SLC24A2: variants seen among roughly 807,000 people sequenced by gnomAD.
SLC24A2 encodes the protein solute carrier family 24 member 2.
A neutral mutation model predicts 62.0 loss-of-function variants in SLC24A2; 36 were observed. The observed-to-expected ratio is 0.58, with a 90% CI of 0.44 to 0.77. SLC24A2 has a LOEUF of 0.77. Ranked by LOEUF, SLC24A2 falls within the 30% of genes least tolerant of loss-of-function variation. The pLI is 0.00. For missense variants in SLC24A2, 846 were observed against 817.9 expected (o/e 1.03, Z -0.42); for synonymous variants, 358 against 294.0 (o/e 1.22, Z -2.23).
At chr9:19,960,231 T>A in the SLC24A2 span, among the ~76,000 whole-genome samples, 6 of 152,130 alleles carry the variant, frequency 3.9e-5, no homozygotes, top group African/African-American at 1.2e-4. Context: ...TGTACATAAC[T>A]GAAATAAAAC....
chr9:20,067,710 A>T, the SLC24A2 span, among the ~76,000 whole-genome samples: 171 of 152,310 alleles, frequency 1.1e-3, no homozygotes, highest in African/African-American at 3.9e-3. Flanking sequence ...TGCAAAGGAC[A>T]TCATTACATT....
intron 7 of SLC24A2, among the ~76,000 whole-genome samples, chr9:19,560,897 G>GTGTATA (rs1287721646): frequency 1.6e-5 from 2 of 128,570 alleles, no homozygotes; most frequent in Admixed American, 7.9e-5. Context: ...GTGTGTGTGT[G>GTGTATA]TATATATATA....
At chr9:19,984,436 T>A in the SLC24A2 span, among the ~76,000 whole-genome samples, 1 of 152,174 alleles carries the variant, frequency 6.6e-6, no homozygotes, top group Non-Finnish European at 1.5e-5. Context: ...CCAGGCACGG[T>A]GGCTCACACC....
At chr9:19,977,578 A>G in the SLC24A2 span, among the ~76,000 whole-genome samples, 1 of 152,142 alleles carries the variant, frequency 6.6e-6, no homozygotes, top group Non-Finnish European at 1.5e-5. Context: ...TGAAATATTA[A>G]CTTGGGCGTG....
intron 5 of SLC24A2, among the ~76,000 whole-genome samples, chr9:19,594,339 G>C (rs1212860433): frequency 6.6e-6 from 1 of 152,112 alleles, no homozygotes; most frequent in Non-Finnish European, 1.5e-5. Context: ...GTACACAATA[G>C]GTGCTTAAAA....
chr9:20,003,448 A>G, the SLC24A2 span, among the ~76,000 whole-genome samples: 1 of 152,218 alleles, frequency 6.6e-6, no homozygotes, highest in African/African-American at 2.4e-5. Flanking sequence ...ATGTTCCTAC[A>G]TTTTGGTACA....
the SLC24A2 span, among the ~76,000 whole-genome samples, chr9:20,192,297 G>C: frequency 6.6e-6 from 1 of 152,114 alleles, no homozygotes; most frequent in Non-Finnish European, 1.5e-5. Flanking sequence ...ACAAAGGCTG[G>C]GGCTGGGGAG....
chr9:19,555,364 G>A (rs966784373), intron 7 of SLC24A2, among the ~76,000 whole-genome samples: 5 of 152,098 alleles, frequency 3.3e-5, no homozygotes, highest in African/African-American at 1.2e-4. Flanking sequence ...TCATGTAATC[G>A]ATAAGATTCT....
intron 2 of SLC24A2, among the ~76,000 whole-genome samples, chr9:19,729,484 G>A (rs1197389550): frequency 6.6e-6 from 1 of 152,128 alleles, no homozygotes; most frequent in East Asian, 1.9e-4. Context: ...CCAATAACAG[G>A]TGAATGGATA....
chr9:20,076,318 A>G, the SLC24A2 span, among the ~76,000 whole-genome samples: 3 of 152,190 alleles, frequency 2.0e-5, no homozygotes, highest in African/African-American at 7.2e-5. Context: ...AAAGTCACCC[A>G]TCTACTCAAT....
chr9:19,553,708 A>T (rs1301451255), intron 7 of SLC24A2, among the ~76,000 whole-genome samples: 1 of 152,238 alleles, frequency 6.6e-6, no homozygotes, highest in Non-Finnish European at 1.5e-5. Context: ...TACCACCAAC[A>T]CCTGCAAGCA....
chr9:20,158,024 A>G, the SLC24A2 span, among the ~76,000 whole-genome samples: 1 of 151,754 alleles, frequency 6.6e-6, no homozygotes, highest in African/African-American at 2.4e-5. Context: ...ACAGCAGAAG[A>G]AAACCATAAC....
the SLC24A2 span, among the ~76,000 whole-genome samples, chr9:20,307,752 G>A: frequency 2.0e-5 from 3 of 152,178 alleles, no homozygotes; most frequent in Non-Finnish European, 4.4e-5. Context: ...AGAGACACAT[G>A]CTAGACCCAA....
At position 19,619,805 on chromosome 9, in the gene SLC24A2, G is replaced by C. The variant is rs183425581; in HGVS notation, c.970-113C>G. 359 of 794,990 alleles carry C rather than the reference G, an allele frequency of 4.5e-4. 3 individuals are homozygous for C. The highest frequency in any genetic ancestry group is 2.6e-5 in the Non-Finnish European group (12 of 454,996). The allele number at this position is 794,990 out of a possible 1,614,324, so 49.2% of individuals were successfully genotyped here. A position where few individuals can be genotyped will look rare whatever the true frequency, so the allele number is the denominator to read the frequency against. On this transcript the variant is annotated intron_variant, in intron 3 of 10. Coordinates refer to ENST00000341998, the MANE Select transcript of SLC24A2 (RefSeq NM_020344.4). The stretch of plus-strand genomic sequence containing the variant: ...CTCATTTCTGTCGCATGATCACACA[G>C]TATTGAGCCAAAGATTTTCAAAGCA...
the SLC24A2 span, among the ~76,000 whole-genome samples, chr9:19,972,575 C>T: frequency 6.6e-6 from 1 of 152,024 alleles, no homozygotes; most frequent in South Asian, 2.1e-4. Context: ...TCTTTCCAGT[C>T]CACAGCGAGA....
At chr9:19,963,710 C>G in the SLC24A2 span, among the ~76,000 whole-genome samples, 1 of 151,972 alleles carries the variant, frequency 6.6e-6, no homozygotes, top group Non-Finnish European at 1.5e-5. Context: ...ATTAAAAAGT[C>G]AGGAAACAAC....
At chr9:19,541,947 C>T (rs1396097379) in intron 8 of SLC24A2, among the ~76,000 whole-genome samples, 11 of 152,204 alleles carry the variant, frequency 7.2e-5, no homozygotes, top group Non-Finnish European at 1.2e-4. Context: ...GCGCAATATT[C>T]GGGTGGGAGT....
intron 2 of SLC24A2, among the ~76,000 whole-genome samples, chr9:19,768,351 T>C (rs1423770720): frequency 1.3e-5 from 2 of 152,210 alleles, no homozygotes; most frequent in Non-Finnish European, 2.9e-5. Flanking sequence ...TCTTACCAAG[T>C]CGCCAATGAC....
At chr9:19,684,791 G>A (rs145462863) in intron 2 of SLC24A2, among the ~76,000 whole-genome samples, 1 of 151,998 alleles carries the variant, frequency 6.6e-6, no homozygotes, top group East Asian at 1.9e-4. Flanking sequence ...TATGTTTTGA[G>A]GAGAAGGATG....
Sources: gnomAD v4.1 joint callset for allele counts (sites outside exome capture counted in the v4.1 genomes callset) on GRCh38, gnomAD v4.1.1 for gene constraint, MANE v1.5 for transcripts, NCBI Gene and HGNC (gene_info 2026-07-23, HGNC 2026-07-21) for gene names.